MED12L: variants seen among roughly 807,000 people sequenced by gnomAD.
MED12L encodes mediator complex subunit 12L, also known as mediator of RNA polymerase II transcription subunit 12-like protein.
Under a neutral mutation model 281.3 loss-of-function variants are expected in MED12L, and 60 were observed. The ratio of observed to expected loss-of-function variants is 0.21; its 90% CI spans 0.17 to 0.26. The LOEUF is 0.26. Among genes scored for constraint, MED12L ranks in the 10% least tolerant of loss-of-function variants. The probability of loss-of-function intolerance (pLI) is 1.00; values close to 1 mark genes in which losing one functional copy is unlikely to be tolerated. For synonymous variants in MED12L, 974 were observed against 987.2 expected (o/e 0.99, Z 0.25); for missense variants, 2,146 against 2,680.9 (o/e 0.80, Z 4.41).
At chr3:151,267,146 A>G (rs1026224541) in intron 16 of MED12L, among the ~76,000 whole-genome samples, 3 of 152,228 alleles carry the variant, frequency 2.0e-5, no homozygotes, top group East Asian at 3.8e-4. Context: ...GACTGTTTAC[A>G]GGAACTATCA....
At chr3:151,195,475 G>A (rs769714808) in intron 16 of MED12L, among the ~76,000 whole-genome samples, 10 of 152,010 alleles carry the variant, frequency 6.6e-5, no homozygotes, top group Non-Finnish European at 1.5e-5. Flanking sequence ...CCAGGGATAT[G>A]TCAAAACTTG....
In MED12L at chr3:151,216,567, A is replaced by G. The variant is rs554401788; in HGVS notation, c.2250+22901A>G. Among the ~76,000 whole-genome samples the G allele has an allele frequency of 2.0e-5, 3 of 152,324 alleles. No individual in the cohort carries two copies. The South Asian group carries it at 6.2e-4, about 32-fold the overall frequency. On this transcript the variant is annotated intron_variant, in intron 16 of 44. Coordinates refer to ENST00000687756, the MANE Select transcript of MED12L (RefSeq NM_001393769.1). The stretch of plus-strand genomic sequence containing the variant: ...TTTGCTTTATGGCAAAACTAGAAAT[A>G]TTGATAGACTTGATTTTGCCAGTCT...
chr3:151,158,446 AT>A (rs201281783), intron 6 of MED12L, among the ~76,000 whole-genome samples: 37 of 149,180 alleles, frequency 2.5e-4, no homozygotes, highest in East Asian at 1.2e-3. Context: ...AGCTTCTGAA[AT>A]TTTTTTTTTT....
intron 5 of MED12L, among the ~76,000 whole-genome samples, chr3:151,145,912 C>A (rs1190117121): frequency 1.3e-5 from 2 of 152,230 alleles, no homozygotes; most frequent in Non-Finnish European, 2.9e-5. Context: ...TTGTTCCCTG[C>A]TGCAGTCACC....
At position 151,334,188 on chromosome 3, in the gene MED12L, C is replaced by CT. The variant is rs1225344552; in HGVS notation, c.2251-15868dup. Among the ~76,000 whole-genome samples the CT allele has an allele frequency of 1.9e-3, 57 of 30,294 alleles. 1 individual carries two copies. The highest frequency in any genetic ancestry group is 0.016 in the Admixed American group (44 of 2,808). The allele number at this position is 30,294 out of a possible 152,430, so 19.9% of individuals were successfully genotyped here. A position where few individuals can be genotyped will look rare whatever the true frequency, so the allele number is the denominator to read the frequency against. ...TGGTGATGTTATGTGTTTTTTCTTT[C>CT]TTTCTTTCTTTTTTTTTTTGCCATT... On this transcript the variant is annotated intron_variant, in intron 16 of 44. Coordinates refer to ENST00000687756, the MANE Select transcript of MED12L (RefSeq NM_001393769.1).
intron 16 of MED12L, among the ~76,000 whole-genome samples, chr3:151,321,301 T>TATA (rs1748966724): frequency 6.6e-6 from 1 of 152,188 alleles, no homozygotes; most frequent in Non-Finnish European, 1.5e-5. Flanking sequence ...TGTGGGAATC[T>TATA]ATAAAAGCTG....
chr3:151,190,174 CTTT>C (rs879731163), intron 13 of MED12L, among the ~76,000 whole-genome samples: 2 of 144,152 alleles, frequency 1.4e-5, no homozygotes. Flanking sequence ...GGACTACTAT[CTTT>C]TTTTTTTTTT....
At chr3:151,418,993 A>G (rs1197923895) in intron 43 of MED12L, among the ~76,000 whole-genome samples, 4 of 152,114 alleles carry the variant, frequency 2.6e-5, no homozygotes, top group Admixed American at 2.0e-4. Flanking sequence ...AAGCATTTCT[A>G]ATTTCTTTGT....
At chr3:151,093,460 C>T (rs1055325634) in intron 2 of MED12L, among the ~76,000 whole-genome samples, 8 of 152,314 alleles carry the variant, frequency 5.3e-5, no homozygotes, top group African/African-American at 1.9e-4. Context: ...CTATCCTTAT[C>T]TGTAGAGAGC....
intron 16 of MED12L, among the ~76,000 whole-genome samples, chr3:151,339,274 G>A (rs773041211): frequency 6.6e-6 from 1 of 151,836 alleles, no homozygotes; most frequent in East Asian, 1.9e-4. Context: ...TCCCCCCAAC[G>A]TCCTTATTTC....
At chr3:151,150,906 A>ATTAGGC (rs1180964592) in intron 5 of MED12L, among the ~76,000 whole-genome samples, 1 of 152,066 alleles carries the variant, frequency 6.6e-6, no homozygotes, top group Non-Finnish European at 1.5e-5. Context: ...CTTGCCCTGG[A>ATTAGGC]TTAGGCTTTT....
At chr3:151,251,616 C>T (rs1213332017) in intron 16 of MED12L, among the ~76,000 whole-genome samples, 2 of 152,172 alleles carry the variant, frequency 1.3e-5, no homozygotes, top group Non-Finnish European at 2.9e-5. Flanking sequence ...TGTGATTTGA[C>T]ACCTCTTCTT....
chr3:151,311,863 A>G (rs1158715804), intron 16 of MED12L, among the ~76,000 whole-genome samples: 2 of 152,118 alleles, frequency 1.3e-5, no homozygotes, highest in Non-Finnish European at 2.9e-5. Flanking sequence ...TGTCTCTACT[A>G]AAAATACAAA....
At chr3:151,181,681 G>A (rs1206513599) in intron 11 of MED12L, among the ~76,000 whole-genome samples, 1 of 145,624 alleles carries the variant, frequency 6.9e-6, no homozygotes, top group Non-Finnish European at 1.5e-5. Flanking sequence ...GGCTTCCTGG[G>A]TTCAAATGAT....
intron 16 of MED12L, among the ~76,000 whole-genome samples, chr3:151,219,090 A>G (rs1010160755): frequency 6.6e-6 from 1 of 152,168 alleles, no homozygotes; most frequent in Admixed American, 6.6e-5. Context: ...GCCCAAAGAC[A>G]GTTATTAAAG....
intron 16 of MED12L, among the ~76,000 whole-genome samples, chr3:151,246,257 T>C (rs553054924): frequency 1.1e-3 from 162 of 152,188 alleles, no homozygotes; most frequent in Admixed American, 3.4e-3. Context: ...CTTCACAGAA[T>C]TGGAAAAAAC....
chr3:151,323,998 A>G (rs142694438), intron 16 of MED12L, among the ~76,000 whole-genome samples: 92 of 152,052 alleles, frequency 6.1e-4, no homozygotes, highest in African/African-American at 2.1e-3. Flanking sequence ...GGGGCCTTTG[A>G]GGAATTCTGC....
chr3:151,166,380 A>T (rs1158951157), intron 11 of MED12L, among the ~76,000 whole-genome samples: 1 of 152,180 alleles, frequency 6.6e-6, no homozygotes, highest in Non-Finnish European at 1.5e-5. Context: ...TCTTTCAAAA[A>T]TCCTTAGACA....
intron 16 of MED12L, among the ~76,000 whole-genome samples, chr3:151,210,367 G>A (rs1023207913): frequency 7.2e-5 from 11 of 152,228 alleles, no homozygotes; most frequent in African/African-American, 2.7e-4. Flanking sequence ...AAAGAAGACG[G>A]AGGCTGAAGA....
Sources: allele counts gnomAD v4.1 joint callset (sites outside exome capture counted in the v4.1 genomes callset), GRCh38; gene constraint gnomAD v4.1.1; transcripts MANE v1.5; gene names NCBI Gene and HGNC (gene_info 2026-07-23, HGNC 2026-07-21).